BMPR1B: variants seen among roughly 807,000 people sequenced by gnomAD.
BMPR1B encodes the protein bone morphogenetic protein receptor type 1B, also known as bone morphogenetic protein receptor type-1B.
Under a neutral mutation model 59.1 loss-of-function variants are expected in BMPR1B, and 12 were observed. The ratio of observed to expected loss-of-function variants is 0.20; its 90% CI spans 0.13 to 0.33. The LOEUF (loss-of-function observed/expected upper bound fraction) is 0.33. Among genes scored for constraint, BMPR1B ranks in the 10% least tolerant of loss-of-function variants. The probability of loss-of-function intolerance (pLI) is 1.00; values close to 1 mark genes in which losing one functional copy is unlikely to be tolerated. For missense variants in BMPR1B, 550 were observed against 610.9 expected (o/e 0.90, Z 1.05); for synonymous variants, 237 against 207.3 (o/e 1.14, Z -1.23).
chr4:94,812,324 TG>T (rs1433646667), intron 1 of BMPR1B, among the ~76,000 whole-genome samples: 2 of 152,124 alleles, frequency 1.3e-5, no homozygotes, highest in African/African-American at 2.4e-5. Flanking sequence ...AAAAAATCAA[TG>T]GGTATTTGCC....
chr4:94,942,030 G>A (rs981952767), intron 2 of BMPR1B, among the ~76,000 whole-genome samples: 2 of 152,224 alleles, frequency 1.3e-5, no homozygotes, highest in Non-Finnish European at 2.9e-5. Context: ...AAGACCAGAA[G>A]ACAGAAGAGT....
chr4:94,963,719 A>G (rs1730454978), intron 2 of BMPR1B, among the ~76,000 whole-genome samples: 1 of 152,094 alleles, frequency 6.6e-6, no homozygotes, highest in Non-Finnish European at 1.5e-5. Context: ...TGCCAGTACT[A>G]TGCTTTTTTC....
intron 3 of BMPR1B, among the ~76,000 whole-genome samples, chr4:95,022,992 T>C (rs557336607): frequency 6.6e-6 from 1 of 152,232 alleles, no homozygotes; most frequent in Non-Finnish European, 1.5e-5. Context: ...TACTCTAAAG[T>C]TATAACAGAG....
At chr4:94,790,073 C>G (rs1722918608) in intron 1 of BMPR1B, among the ~76,000 whole-genome samples, 1 of 152,126 alleles carries the variant, frequency 6.6e-6, no homozygotes, top group Non-Finnish European at 1.5e-5. Flanking sequence ...GTTTTAAGAA[C>G]ACGGTATGTA....
intron 2 of BMPR1B, among the ~76,000 whole-genome samples, chr4:94,898,118 T>A (rs2148996819): frequency 6.6e-6 from 1 of 151,800 alleles, no homozygotes; most frequent in African/African-American, 2.4e-5. Flanking sequence ...GGATTGTTTT[T>A]TAAAAATTTT....
intron 3 of BMPR1B, among the ~76,000 whole-genome samples, chr4:95,041,008 C>G (rs1725617400): frequency 6.6e-6 from 1 of 152,194 alleles, no homozygotes; most frequent in Non-Finnish European, 1.5e-5. Flanking sequence ...GCACCTCACT[C>G]TCCTTAGTTG....
chr4:94,952,937 G>A (rs1329900253), intron 2 of BMPR1B, among the ~76,000 whole-genome samples: 5 of 152,170 alleles, frequency 3.3e-5, no homozygotes, highest in Admixed American at 1.3e-4. Context: ...ATGAATCTGG[G>A]TGCTCCTGTA....
intron 2 of BMPR1B, among the ~76,000 whole-genome samples, chr4:94,934,994 A>G (rs1220726451): frequency 3.3e-5 from 5 of 152,138 alleles, no homozygotes; most frequent in African/African-American, 1.2e-4. Context: ...TGTTTTCATA[A>G]CTACACTAAG....
intron 4 of BMPR1B, among the ~76,000 whole-genome samples, chr4:95,113,667 A>G (rs939195589): frequency 1.3e-5 from 2 of 152,126 alleles, no homozygotes; most frequent in African/African-American, 2.4e-5. Context: ...GGCATTCATC[A>G]CCCAAAGTTG....
At chr4:95,032,714 A>T (rs1287306161) in intron 3 of BMPR1B, among the ~76,000 whole-genome samples, 1 of 152,102 alleles carries the variant, frequency 6.6e-6, no homozygotes, top group African/African-American at 2.4e-5. Flanking sequence ...TTCCTTTTTA[A>T]GGCTGAATAA....
intron 1 of BMPR1B, among the ~76,000 whole-genome samples, chr4:94,829,367 T>G (rs1724493522): frequency 6.8e-6 from 1 of 147,318 alleles, no homozygotes; most frequent in South Asian, 2.2e-4. Flanking sequence ...TTCGACCTCC[T>G]GAGCTAACAG....
chr4:94,844,797 A>C (rs1314254466), intron 1 of BMPR1B, among the ~76,000 whole-genome samples: 1 of 152,224 alleles, frequency 6.6e-6, no homozygotes, highest in Non-Finnish European at 1.5e-5. Context: ...AGTGGCTCTG[A>C]ATTTCAAATC....
intron 2 of BMPR1B, among the ~76,000 whole-genome samples, chr4:94,991,403 G>C (rs1267323426): frequency 6.6e-6 from 1 of 152,144 alleles, no homozygotes; most frequent in African/African-American, 2.4e-5. Flanking sequence ...TCAGTTTAGG[G>C]ACTTGAAGTC....
chr4:94,787,888 T>C (rs1722822080), intron 1 of BMPR1B, among the ~76,000 whole-genome samples: 1 of 152,194 alleles, frequency 6.6e-6, no homozygotes, highest in African/African-American at 2.4e-5. Context: ...CTGGAGTTAG[T>C]ATGTTTCTAA....
At chr4:94,956,428 G>A (rs1013555928) in intron 2 of BMPR1B, among the ~76,000 whole-genome samples, 1 of 151,984 alleles carries the variant, frequency 6.6e-6, no homozygotes, top group African/African-American at 2.4e-5. Flanking sequence ...AAAGATAAGA[G>A]GCTTTTATGT....
chr4:94,828,691 C>G (rs79683733), intron 1 of BMPR1B, among the ~76,000 whole-genome samples: 1 of 152,014 alleles, frequency 6.6e-6, no homozygotes, highest in Admixed American at 6.6e-5. Context: ...CCCTTGGACT[C>G]TCATCCTCAA....
intron 1 of BMPR1B, among the ~76,000 whole-genome samples, chr4:94,816,830 G>C (rs1724026668): frequency 6.6e-6 from 1 of 152,106 alleles, no homozygotes; most frequent in Non-Finnish European, 1.5e-5. Context: ...GAAAAGAAAG[G>C]CACAAGTAAT....
At chr4:94,997,373 C>T (rs929381722) in intron 3 of BMPR1B, among the ~76,000 whole-genome samples, 7 of 152,094 alleles carry the variant, frequency 4.6e-5, no homozygotes, top group Middle Eastern at 3.4e-3. Context: ...AGAAATCAGC[C>T]CATTCTAAAA....
intron 2 of BMPR1B, among the ~76,000 whole-genome samples, chr4:94,953,275 T>C (rs1159450907): frequency 2.0e-5 from 3 of 152,208 alleles, no homozygotes; most frequent in African/African-American, 7.2e-5. Flanking sequence ...AGGTTAATAT[T>C]GTTATGTGTG....
Sources: gnomAD v4.1 joint callset for allele counts (sites outside exome capture counted in the v4.1 genomes callset) on GRCh38, gnomAD v4.1.1 for gene constraint, MANE v1.5 for transcripts, NCBI Gene and HGNC (gene_info 2026-07-23, HGNC 2026-07-21) for gene names.